The following GRIA2 variants were observed in gnomAD, a reference collection of about 807,000 sequenced individuals.
GRIA2 encodes the protein glutamate receptor 2.
In GRIA2, 14 loss-of-function variants were observed where a neutral mutation model predicts 97.3. The ratio of observed to expected loss-of-function variants is 0.14; its 90% CI spans 0.10 to 0.23. The LOEUF (loss-of-function observed/expected upper bound fraction) is 0.23, where lower values mean the gene tolerates loss of function less well. Ranked by LOEUF, GRIA2 falls within the 10% of genes least tolerant of loss-of-function variation. The pLI is 1.00. For synonymous variants in GRIA2, 412 were observed against 387.8 expected, an observed-to-expected ratio of 1.06 and a Z score of -0.73; for missense variants, 558 against 1,069.8, an observed-to-expected ratio of 0.52 and a Z score of 6.67.
Position 157,333,236 on chromosome 4 carries a change from A to G in GRIA2, c.1051-13A>G. On this transcript the variant is annotated splice_polypyrimidine_tract_variant and intron_variant, in intron 7 of 15. Transcript: ENST00000264426. Reference sequence around the variant, plus strand: ...AAATATATAACTCTGCTGCTTTCCCATTTCTTCATTAGGTTCAGGTTGAAG... The same window carrying G: ...AAATATATAACTCTGCTGCTTTCCCGTTTCTTCATTAGGTTCAGGTTGAAG... 1.4e-6 allele frequency: 2 copies of G among 1,446,454 alleles called. No individual in the cohort carries two copies. Among genetic ancestry groups the G allele is most frequent in the South Asian group, 1.2e-5 (1 of 84,094 alleles). 89.6% of individuals were successfully genotyped at this position (1,446,454 alleles called of 1,614,324 possible).
intron 2 of GRIA2, among the ~76,000 whole-genome samples, chr4:157,235,432 C>A (rs139037754): frequency 6.6e-6 from 1 of 151,656 alleles, no homozygotes; most frequent in Non-Finnish European, 1.5e-5. Context: ...ACATTAGTCT[C>A]GGTAATAGAC....
chr4:157,228,088 G>C (rs1284154867), intron 2 of GRIA2, among the ~76,000 whole-genome samples: 1 of 152,200 alleles, frequency 6.6e-6, no homozygotes, highest in Non-Finnish European at 1.5e-5. Flanking sequence ...CGAGGAGAAT[G>C]TAAAATGTGG....
intron 3 of GRIA2, among the ~76,000 whole-genome samples, chr4:157,309,790 A>T (rs549373600): frequency 6.6e-6 from 1 of 152,340 alleles, no homozygotes; most frequent in South Asian, 2.1e-4. Context: ...GAGACATAAT[A>T]TTAAGAGCAT....
chr4:157,309,514 G>A (rs970587086), intron 3 of GRIA2, among the ~76,000 whole-genome samples: 1 of 152,020 alleles, frequency 6.6e-6, no homozygotes, highest in Admixed American at 6.6e-5. Context: ...ACCAGGCCTG[G>A]CTAATTTTTA....
In GRIA2 at chr4:157,363,014, C is replaced by A; in HGVS notation, c.2622C>A (p.Asn874Lys). 6.2e-7 allele frequency: 1 copy of A among 1,612,730 alleles called. No individual in the cohort carries two copies. Among genetic ancestry groups the A allele is most frequent in the Non-Finnish European group, 8.5e-7 (1 of 1,179,076 alleles). The change falls in exon 15 of 16, where the codon AAC (asparagine) becomes AAA (lysine). Residue 874 changes from asparagine to lysine, a missense_variant. Physicochemically the swap from Asn to Lys is moderately conservative, Grantham distance 94. Around this residue, in one of 8 missense-constraint regions of GRIA2, gnomAD observed 54 missense variants for 82.1 expected, o/e 0.66. Coordinates refer to ENST00000264426, the MANE Select transcript of GRIA2 (RefSeq NM_001083619.3). ...TTGCAACTTATAAGGAAGGTTACAA[C>A]GTATATGGCATCGAAAGTGTTAAAA... ...QNFATYKEGY[N>K]VYGIESVKI
chr4:157,285,557 TTGTGTGTGTGTGTG>T (rs149477258), intron 2 of GRIA2, among the ~76,000 whole-genome samples: 1 of 147,222 alleles, frequency 6.8e-6, no homozygotes, highest in Non-Finnish European at 1.5e-5. Context: ...CCTATAATAT[TTGTGTGTGTGTGTG>T]TGTGTGTGTG....
intron 2 of GRIA2, among the ~76,000 whole-genome samples, chr4:157,224,818 A>G (rs1302475720): frequency 6.6e-6 from 1 of 152,102 alleles, no homozygotes; most frequent in Non-Finnish European, 1.5e-5. Flanking sequence ...AGCATTAAAT[A>G]CATTGACAGC....
At chr4:157,259,082 C>T (rs771740016) in intron 2 of GRIA2, among the ~76,000 whole-genome samples, 5 of 151,718 alleles carry the variant, frequency 3.3e-5, no homozygotes, top group East Asian at 2.0e-4. Context: ...ATAAAACATA[C>T]GTAGATGTGG....
chr4:157,264,741 C>T (rs372833284), intron 2 of GRIA2, among the ~76,000 whole-genome samples: 1 of 152,044 alleles, frequency 6.6e-6, no homozygotes, highest in Non-Finnish European at 1.5e-5. Context: ...TTGCTAGTCC[C>T]ATCTCTGCAG....
At position 157,361,204 on chromosome 4, in the gene GRIA2, G is replaced by A. The variant is rs548490078; in HGVS notation, c.2406+80G>A. On this transcript the variant is annotated intron_variant, in intron 14 of 15. Coordinates refer to ENST00000264426, the MANE Select transcript of GRIA2 (RefSeq NM_001083619.3). This position sits in a 1 kb window ranked among gnomAD's most constrained non-coding sequence, Gnocchi z 5.2. ...CAGCTATGCACAGTGTGGGCACTCC[G>A]TGCCACCAAGTTTCCAACGCTAAGC... The A allele has an allele frequency of 1.1e-4, 119 of 1,064,462 alleles. 1 individual carries two copies. The South Asian group carries it at 1.5e-3, about 13-fold the overall frequency. The allele number at this position is 1,064,462 out of a possible 1,614,324, so 65.9% of individuals were successfully genotyped here.
chr4:157,346,400 T>G (rs1343821575), intron 12 of GRIA2, among the ~76,000 whole-genome samples: 1 of 152,154 alleles, frequency 6.6e-6, no homozygotes, highest in African/African-American at 2.4e-5. Flanking sequence ...ATTTTATTAT[T>G]CCTGATATTG....
intron 12 of GRIA2, among the ~76,000 whole-genome samples, chr4:157,347,984 C>T (rs1338887832): frequency 2.0e-5 from 3 of 151,858 alleles, no homozygotes; most frequent in Non-Finnish European, 4.4e-5. Context: ...ATTAGCTGAG[C>T]GTGACGGCAC....
intron 2 of GRIA2, among the ~76,000 whole-genome samples, chr4:157,223,172 T>G (rs181710137): frequency 6.6e-6 from 1 of 152,174 alleles, no homozygotes; most frequent in Admixed American, 6.5e-5. Context: ...ATTCCGTGAT[T>G]TAGCTTGATT....
At chr4:157,322,249 G>A (rs1287229944) in intron 6 of GRIA2, among the ~76,000 whole-genome samples, 2 of 111,438 alleles carry the variant, frequency 1.8e-5, no homozygotes, top group African/African-American at 6.4e-5. Context: ...GAGAGTGTGT[G>A]TGTGTGTGTG....
At chr4:157,347,756 T>A (rs1359053952) in intron 12 of GRIA2, among the ~76,000 whole-genome samples, 2 of 152,176 alleles carry the variant, frequency 1.3e-5, no homozygotes, top group African/African-American at 2.4e-5. Flanking sequence ...TGTTCAATTA[T>A]TTAAATATAT....
At chr4:157,362,060 C>T (rs1173441894) in intron 14 of GRIA2, among the ~76,000 whole-genome samples, 1 of 152,078 alleles carries the variant, frequency 6.6e-6, no homozygotes. Context: ...ATTGGCAAGA[C>T]TATTCGTGTG....
chr4:157,233,412 C>A (rs539640996), intron 2 of GRIA2, among the ~76,000 whole-genome samples: 133 of 152,120 alleles, frequency 8.7e-4, no homozygotes, highest in African/African-American at 2.4e-3. Context: ...TGGAACTGAG[C>A]ACATTATGGA....
At position 157,231,280 on chromosome 4, in the gene GRIA2, C is replaced by G. The variant is rs373170500; in HGVS notation, c.229+9473C>G. ...TCACGAACTCCTGATCTCAGGCAAT[C>G]CGCCCACCTCGGCCTCCCAAAGTGC... On this transcript the variant is annotated intron_variant, in intron 2 of 15. Coordinates refer to ENST00000264426, the MANE Select transcript of GRIA2 (RefSeq NM_001083619.3). Among the ~76,000 whole-genome samples, 268 of 152,284 alleles carry G rather than the reference C, an allele frequency of 1.8e-3. 1 individual carries two copies. Among genetic ancestry groups the G allele is most frequent in the African/African-American group, 6.2e-3 (259 of 41,554 alleles).
intron 3 of GRIA2, among the ~76,000 whole-genome samples, chr4:157,304,127 G>T (rs1733736305): frequency 6.6e-6 from 1 of 152,144 alleles, no homozygotes; most frequent in South Asian, 2.1e-4. Flanking sequence ...GAATGAAGTG[G>T]CTTGAGTACA....
Sources: allele counts gnomAD v4.1 joint callset (sites outside exome capture counted in the v4.1 genomes callset), GRCh38; gene constraint gnomAD v4.1.1; regional missense constraint gnomAD v4.1.1; non-coding constraint Gnocchi (gnomAD v3.1); transcripts MANE v1.5; gene names NCBI Gene and HGNC (gene_info 2026-07-23, HGNC 2026-07-21).